Variants in NXPE4 observed in about 807,000 individuals in gnomAD.
NXPE4 encodes the protein NXPE family member 4.
A neutral mutation model predicts 33.3 loss-of-function variants in NXPE4; 42 were observed. That is an observed-to-expected ratio of 1.26 (90% confidence interval 0.98 to 1.63). The LOEUF (loss-of-function observed/expected upper bound fraction) is 1.63, where lower values mean the gene tolerates loss of function less well. NXPE4 is among the 40% of genes most tolerant of loss of function. The pLI is 0.00. For missense variants in NXPE4, 709 were observed against 647.6 expected, an observed-to-expected ratio of 1.09 and a Z score of -1.03; for synonymous variants, 253 against 234.9, an observed-to-expected ratio of 1.08 and a Z score of -0.71.
intron 2 of NXPE4, chr11:114,583,437 A>C: frequency 1.5e-6 from 1 of 668,840 alleles, no homozygotes; most frequent in Non-Finnish European, 2.8e-6. Flanking sequence ...GCCAATGCTG[A>C]GGAGATGACC....
the NXPE4 span, among the ~76,000 whole-genome samples, chr11:114,601,281 C>A: frequency 6.7e-6 from 1 of 149,970 alleles, no homozygotes. Context: ...ATCCATTATA[C>A]CACTCTGTAT....
chr11:114,624,089 T>G, the NXPE4 span, among the ~76,000 whole-genome samples: 2 of 152,052 alleles, frequency 1.3e-5, no homozygotes, highest in South Asian at 4.2e-4. Context: ...TGTTACCCTC[T>G]GGATAATAGG....
the NXPE4 span, among the ~76,000 whole-genome samples, chr11:114,674,091 AAAC>A: frequency 8.2e-5 from 1 of 12,240 alleles, no homozygotes; most frequent in African/African-American, 1.7e-4. Flanking sequence ...CATTGTTTAA[AAAC>A]AAACAAACAA....
the NXPE4 span, among the ~76,000 whole-genome samples, chr11:114,618,304 C>A: frequency 9.9e-4 from 151 of 152,142 alleles, 1 homozygote; most frequent in Admixed American, 8.3e-3. Flanking sequence ...CCACTGTTAT[C>A]TGTTGGATAA....
At chr11:114,610,645 C>T in the NXPE4 span, among the ~76,000 whole-genome samples, 4 of 151,906 alleles carry the variant, frequency 2.6e-5, no homozygotes, top group Admixed American at 2.0e-4. Flanking sequence ...TCATGGGTAA[C>T]CACTGTTAAC....
chr11:114,590,597 C>G (rs1949427670), intron 2 of NXPE4, among the ~76,000 whole-genome samples: 2 of 152,192 alleles, frequency 1.3e-5, no homozygotes, highest in African/African-American at 4.8e-5. Context: ...GGTACCAGCC[C>G]TCAGCCCCTC....
At chr11:114,669,429 C>T in the NXPE4 span, among the ~76,000 whole-genome samples, 2 of 152,044 alleles carry the variant, frequency 1.3e-5, no homozygotes, top group Admixed American at 1.3e-4. Flanking sequence ...GAATATCTTA[C>T]CTGAAGGGTA....
At chr11:114,604,022 G>A in the NXPE4 span, among the ~76,000 whole-genome samples, 2 of 151,812 alleles carry the variant, frequency 1.3e-5, no homozygotes, top group Non-Finnish European at 1.5e-5. Context: ...CCATTACGTG[G>A]TGGATAACAG....
chr11:114,668,096 C>A, the NXPE4 span, among the ~76,000 whole-genome samples: 5 of 151,868 alleles, frequency 3.3e-5, no homozygotes, highest in Non-Finnish European at 1.5e-5. Flanking sequence ...TTGGAAAAGA[C>A]TGAATACCTC....
chr11:114,587,791 G>T (rs1387832795), intron 2 of NXPE4, among the ~76,000 whole-genome samples: 1 of 152,084 alleles, frequency 6.6e-6, no homozygotes, highest in African/African-American at 2.4e-5. Flanking sequence ...ACCATCTTTG[G>T]TCTGCACTCC....
the NXPE4 span, among the ~76,000 whole-genome samples, chr11:114,621,013 G>A: frequency 1.3e-4 from 20 of 152,060 alleles, no homozygotes; most frequent in Admixed American, 6.5e-4. Flanking sequence ...GTGTTGTCTC[G>A]TGGTTGACCA....
chr11:114,577,678 A>T (rs1057388576), intron 5 of NXPE4, among the ~76,000 whole-genome samples: 1 of 152,160 alleles, frequency 6.6e-6, no homozygotes, highest in Non-Finnish European at 1.5e-5. Context: ...TTGGAGGATT[A>T]TGTGGTCAGT....
At chr11:114,590,768 T>C (rs1183871722) in intron 2 of NXPE4, among the ~76,000 whole-genome samples, 1 of 152,208 alleles carries the variant, frequency 6.6e-6, no homozygotes, top group East Asian at 1.9e-4. Flanking sequence ...GCAATTGCCA[T>C]ATTGGCCCTA....
chr11:114,661,385 G>C, the NXPE4 span, among the ~76,000 whole-genome samples: 2 of 152,266 alleles, frequency 1.3e-5, no homozygotes, highest in East Asian at 3.9e-4. Context: ...CCACAAGTCA[G>C]GCAAAGCAAC....
the NXPE4 span, among the ~76,000 whole-genome samples, chr11:114,656,247 G>A: frequency 2.0e-5 from 3 of 152,016 alleles, no homozygotes; most frequent in African/African-American, 7.2e-5. Context: ...TCTTCAAGGA[G>A]AACTACAAGC....
chr11:114,598,986 T>G (rs1949609281), upstream of NXPE4, among the ~76,000 whole-genome samples: 2 of 152,232 alleles, frequency 1.3e-5, no homozygotes, highest in Non-Finnish European at 2.9e-5. Flanking sequence ...ACCATTTCTT[T>G]TTACCATATG....
intron 5 of NXPE4, among the ~76,000 whole-genome samples, chr11:114,579,751 A>C (rs1352178675): frequency 6.6e-6 from 1 of 152,236 alleles, no homozygotes; most frequent in Non-Finnish European, 1.5e-5. Context: ...TAGGAGGTAG[A>C]GAAGTCAGGT....
At chr11:114,606,184 A>G in the NXPE4 span, among the ~76,000 whole-genome samples, 6 of 151,836 alleles carry the variant, frequency 4.0e-5, no homozygotes, top group Non-Finnish European at 8.8e-5. Context: ...CTTGTGGGTA[A>G]TCACAGTTAC....
the NXPE4 span, among the ~76,000 whole-genome samples, chr11:114,644,518 A>T: frequency 6.6e-6 from 1 of 152,178 alleles, no homozygotes; most frequent in African/African-American, 2.4e-5. Context: ...AACTTACTAA[A>T]AATGTAATAG....
Sources: gnomAD v4.1 joint callset for allele counts (sites outside exome capture counted in the v4.1 genomes callset) on GRCh38, gnomAD v4.1.1 for gene constraint, MANE v1.5 for transcripts, NCBI Gene and HGNC (gene_info 2026-07-23, HGNC 2026-07-21) for gene names.